STAC: variants seen among roughly 807,000 people sequenced by gnomAD.
STAC encodes SH3 and cysteine rich domain, also known as SH3 and cysteine-rich domain-containing protein.
A neutral mutation model predicts 48.8 loss-of-function variants in STAC; 43 were observed. That is an observed-to-expected ratio of 0.88 (90% CI 0.69 to 1.14). The LOEUF is 1.14. Ranked by LOEUF, STAC falls within the 50% of genes most tolerant of loss-of-function variation. The probability of loss-of-function intolerance (pLI) is 0.00; values close to 1 mark genes in which losing one functional copy is unlikely to be tolerated. For missense variants in STAC, 497 were observed against 504.0 expected (o/e 0.99, Z 0.13); for synonymous variants, 193 against 179.5 (o/e 1.07, Z -0.60).
chr3:36,534,627 G>C (rs1699155033), intron 10 of STAC, among the ~76,000 whole-genome samples: 3 of 149,536 alleles, frequency 2.0e-5, no homozygotes, highest in Admixed American at 2.0e-4. Context: ...TTATCCATTT[G>C]TTATGAACAC....
chr3:36,392,800 A>G (rs886253311), intron 1 of STAC, among the ~76,000 whole-genome samples: 6 of 152,070 alleles, frequency 3.9e-5, no homozygotes, highest in African/African-American at 1.2e-4. Context: ...ATGCTCTCAG[A>G]TTCTTCCATT....
chr3:36,526,730 TAAAG>T (rs993816569), intron 8 of STAC, among the ~76,000 whole-genome samples: 1 of 152,006 alleles, frequency 6.6e-6, no homozygotes, highest in Non-Finnish European at 1.5e-5. Context: ...ACCTATACTC[TAAAG>T]AAAAAGAACC....
chr3:36,398,361 A>G (rs972143163), intron 1 of STAC, among the ~76,000 whole-genome samples: 11 of 136,944 alleles, frequency 8.0e-5, no homozygotes, highest in African/African-American at 2.7e-4. Flanking sequence ...GAAAGAAAGA[A>G]AGAAAGAAAA....
At chr3:36,483,140 C>A in intron 3 of STAC, 48 bp downstream of exon 3, 2 of 1,429,550 alleles carry the variant, frequency 1.4e-6, no homozygotes, top group Non-Finnish European at 2.0e-6. Flanking sequence ...TGCTAGGGCA[C>A]TTGCCTGCTG....
chr3:36,384,781 C>G (rs981203496), intron 1 of STAC, among the ~76,000 whole-genome samples: 3 of 152,122 alleles, frequency 2.0e-5, no homozygotes, highest in African/African-American at 7.2e-5. Context: ...CAAAGTGACC[C>G]TCATTCCTGG....
chr3:36,399,739 T>A (rs1168529120), intron 1 of STAC, among the ~76,000 whole-genome samples: 1 of 152,184 alleles, frequency 6.6e-6, no homozygotes, highest in African/African-American at 2.4e-5. Context: ...CTCGAGAATC[T>A]TGGAAAAATT....
Position 36,443,278 on chromosome 3 carries a change from A to G in STAC, c.112-86A>G. 2.1e-6 allele frequency: 3 copies of G among 1,434,144 alleles called. No individual in the cohort carries two copies. Among genetic ancestry groups the G allele is most frequent in the Non-Finnish European group, 2.9e-6 (3 of 1,037,796 alleles). 88.8% of individuals were successfully genotyped at this position (1,434,144 alleles called of 1,614,324 possible). On this transcript the variant is annotated intron_variant, in intron 1 of 10. Transcript: ENST00000273183. The surrounding 1 kb of genome is among the most constrained non-coding windows in gnomAD (Gnocchi z 4.2). ...CGGAGGGTGTCAGTGGGGACTGTGT[A>G]GTGCACACAGCAGACCTTACCCCCA...
At chr3:36,391,259 C>T (rs1211799727) in intron 1 of STAC, among the ~76,000 whole-genome samples, 1 of 152,182 alleles carries the variant, frequency 6.6e-6, no homozygotes, top group Non-Finnish European at 1.5e-5. Context: ...AGAAGTTGCT[C>T]TTTGATCCCA....
intron 5 of STAC, among the ~76,000 whole-genome samples, chr3:36,490,771 G>A (rs764506115): frequency 3.3e-5 from 5 of 152,222 alleles, no homozygotes; most frequent in Non-Finnish European, 7.3e-5. Context: ...AAGACCACCA[G>A]AGGGACAATT....
Position 36,443,783 on chromosome 3 carries a change from G to A in STAC, c.388+143G>A, listed in dbSNP as rs1696428093. On this transcript the variant is annotated intron_variant, in intron 2 of 10. Transcript: ENST00000273183. The surrounding 1 kb of genome is among the most constrained non-coding windows in gnomAD (Gnocchi z 4.2). Reference sequence around the variant, plus strand: ...GGAAGATCATTCAGGAGTGCTTTGGGGAACAATATTTGTGAGAAGGTAAGG... The same window carrying A: ...GGAAGATCATTCAGGAGTGCTTTGGAGAACAATATTTGTGAGAAGGTAAGG... 8.8e-7 allele frequency: 1 copy of A among 1,135,752 alleles called. No homozygotes were observed. The highest frequency in any genetic ancestry group is 1.2e-6 in the Non-Finnish European group (1 of 808,650). The allele number at this position is 1,135,752 out of a possible 1,614,324, so 70.4% of individuals were successfully genotyped here. A position where few individuals can be genotyped will look rare whatever the true frequency, so the allele number is the denominator to read the frequency against.
intron 1 of STAC, among the ~76,000 whole-genome samples, chr3:36,402,015 A>G (rs1700007550): frequency 6.6e-6 from 1 of 152,216 alleles, no homozygotes; most frequent in Non-Finnish European, 1.5e-5. Flanking sequence ...AGAAAAGTAA[A>G]GCCGCTTGCC....
chr3:36,464,132 C>A (rs1397664989), intron 2 of STAC, among the ~76,000 whole-genome samples: 1 of 152,176 alleles, frequency 6.6e-6, no homozygotes, highest in African/African-American at 2.4e-5. Flanking sequence ...TACAGTCCCA[C>A]CAACAGTGTA....
At chr3:36,497,694 A>G (rs1400836944) in intron 6 of STAC, among the ~76,000 whole-genome samples, 2 of 152,162 alleles carry the variant, frequency 1.3e-5, no homozygotes, top group South Asian at 4.2e-4. Flanking sequence ...AAAAGAATGG[A>G]AACAAAAAAG....
chr3:36,445,807 C>T (rs2125669401), intron 2 of STAC, among the ~76,000 whole-genome samples: 1 of 152,276 alleles, frequency 6.6e-6, no homozygotes, highest in South Asian at 2.1e-4. Context: ...CTACTGGGAA[C>T]CAAAGGCTGT....
intron 8 of STAC, among the ~76,000 whole-genome samples, chr3:36,507,502 G>C (rs148597384): frequency 1.9e-3 from 287 of 152,216 alleles, no homozygotes; most frequent in African/African-American, 6.5e-3. Context: ...GTACCAGCTA[G>C]TCTTTGTACC....
chr3:36,508,690 T>C (rs1698463606), intron 8 of STAC, among the ~76,000 whole-genome samples: 1 of 152,216 alleles, frequency 6.6e-6, no homozygotes, highest in African/African-American at 2.4e-5. Flanking sequence ...CTTGTCTTTT[T>C]TGATCTTTGT....
intron 10 of STAC, among the ~76,000 whole-genome samples, chr3:36,538,834 A>G (rs1046842770): frequency 1.3e-5 from 2 of 152,152 alleles, no homozygotes; most frequent in Non-Finnish European, 2.9e-5. Context: ...CATTATTTAA[A>G]AAGTTTTCTA....
intron 1 of STAC, among the ~76,000 whole-genome samples, chr3:36,425,299 T>C (rs1003906905): frequency 6.6e-6 from 1 of 152,148 alleles, no homozygotes; most frequent in Non-Finnish European, 1.5e-5. Flanking sequence ...CCTAGTCTTA[T>C]GAAAAATACA....
At chr3:36,499,580 T>C (rs1417919473) in intron 6 of STAC, among the ~76,000 whole-genome samples, 1 of 151,916 alleles carries the variant, frequency 6.6e-6, no homozygotes, top group Admixed American at 6.6e-5. Context: ...ATAGAAAATT[T>C]GGGACAAATA....
Sources: gnomAD v4.1 joint callset for allele counts (sites outside exome capture counted in the v4.1 genomes callset) on GRCh38, gnomAD v4.1.1 for gene constraint, Gnocchi (gnomAD v3.1) non-coding constraint, MANE v1.5 for transcripts, NCBI Gene and HGNC (gene_info 2026-07-23, HGNC 2026-07-21) for gene names.